Variants in RGS5 observed in about 807,000 individuals in gnomAD.
The protein encoded by RGS5 is regulator of G protein signaling 5, also known as regulator of G-protein signalling 5.
RGS5 carries 20 observed loss-of-function variants against 18.9 expected under a neutral mutation model. That is an observed-to-expected ratio of 1.06 (90% CI 0.74 to 1.54). The LOEUF is 1.54. RGS5 is among the 40% of genes most tolerant of loss of function. The probability of loss-of-function intolerance (pLI) is 0.00; values close to 1 mark genes in which losing one functional copy is unlikely to be tolerated. For missense variants in RGS5, 201 were observed against 211.8 expected (o/e 0.95, Z 0.32); for synonymous variants, 57 against 76.2 (o/e 0.75, Z 1.31).
intron 2 of RGS5, among the ~76,000 whole-genome samples, chr1:163,274,263 T>C (rs934205665): frequency 1.3e-5 from 2 of 151,504 alleles, no homozygotes; most frequent in East Asian, 1.9e-4. Flanking sequence ...AATTAGAGGG[T>C]TGGAACTTTC....
At chr1:163,278,900 T>C (rs1297796933) in intron 2 of RGS5, among the ~76,000 whole-genome samples, 2 of 152,060 alleles carry the variant, frequency 1.3e-5, no homozygotes, top group African/African-American at 2.4e-5. Context: ...GGAGTGGCCA[T>C]ACTTATACCA....
In RGS5 at chr1:163,158,412, C is replaced by T. The variant is rs139403892; in HGVS notation, c.217+3503G>A. 3.5e-3 allele frequency among the ~76,000 whole-genome samples: 531 copies of T among 152,146 alleles called. 1 individual carries two copies. The highest frequency in any genetic ancestry group is 5.0e-3 in the Non-Finnish European group (338 of 67,994). On this transcript the variant is annotated intron_variant, in intron 3 of 4. Coordinates refer to ENST00000313961, the MANE Select transcript of RGS5 (RefSeq NM_003617.4). ...AGAGTAGAGAATTAGAGAGGGGTATCGGGCAAAATTCACCCCCGATATTTC... is the reference window on the plus strand; with the variant it reads ...AGAGTAGAGAATTAGAGAGGGGTATTGGGCAAAATTCACCCCCGATATTTC...
chr1:163,162,103 A>G (rs1179845373), intron 2 of RGS5, 127 bp from the exon 3 acceptor site: 7 of 653,272 alleles, frequency 1.1e-5, no homozygotes, highest in Non-Finnish European at 1.6e-5. Context: ...TCCTCAGGAC[A>G]AGGAAGTTTA....
intron 3 of RGS5, among the ~76,000 whole-genome samples, chr1:163,156,913 T>C (rs1657604349): frequency 6.6e-6 from 1 of 152,148 alleles, no homozygotes; most frequent in Non-Finnish European, 1.5e-5. Flanking sequence ...GAGTAATAAG[T>C]GTTAGCTATT....
chr1:163,185,020 C>G (rs1406493608), intron 1 of RGS5, among the ~76,000 whole-genome samples: 1 of 152,160 alleles, frequency 6.6e-6, no homozygotes, highest in African/African-American at 2.4e-5. Flanking sequence ...GTTCTGTGAT[C>G]CTCATTCTAC....
At chr1:163,221,616 G>T (rs956033835), upstream of RGS5, among the ~76,000 whole-genome samples, 4 of 152,174 alleles carry the variant, frequency 2.6e-5, no homozygotes, top group Admixed American at 2.0e-4. Context: ...CAGACAAAAA[G>T]AATTTGCTTC....
intron 2 of RGS5, among the ~76,000 whole-genome samples, chr1:163,242,772 G>C (rs1177677545): frequency 6.6e-6 from 1 of 152,172 alleles, no homozygotes; most frequent in African/African-American, 2.4e-5. Context: ...TGTTGACAGA[G>C]GGCTGAGGAA....
chr1:163,186,090 G>C (rs1456229900), intron 1 of RGS5, among the ~76,000 whole-genome samples: 1 of 98,236 alleles, frequency 1.0e-5, no homozygotes, highest in Non-Finnish European at 2.1e-5. Flanking sequence ...TTTTTTTTTT[G>C]ACATAGAGTC....
chr1:163,229,575 G>A (rs759219182), intron 2 of RGS5, among the ~76,000 whole-genome samples: 6 of 152,146 alleles, frequency 3.9e-5, no homozygotes, highest in Non-Finnish European at 7.4e-5. Context: ...CTCTGACTCT[G>A]TCTTCTACTC....
intron 3 of RGS5, 33 bp from the exon 4 acceptor site, chr1:163,152,749 T>G (rs367953968): frequency 2.6e-6 from 4 of 1,538,126 alleles, no homozygotes; most frequent in Non-Finnish European, 3.5e-6. Context: ...CTGGAGAAAT[T>G]TATTAATTTA....
intron 1 of RGS5, among the ~76,000 whole-genome samples, chr1:163,312,992 C>T (rs1170059508): frequency 6.6e-6 from 1 of 152,142 alleles, no homozygotes; most frequent in Non-Finnish European, 1.5e-5. Context: ...GCATGGTTTA[C>T]CATTCTACTT....
intron 4 of RGS5, among the ~76,000 whole-genome samples, chr1:163,152,012 T>A (rs1172753719): frequency 6.6e-6 from 1 of 152,174 alleles, no homozygotes; most frequent in Non-Finnish European, 1.5e-5. Flanking sequence ...GTAATATTTT[T>A]AATAATTTTG....
chr1:163,157,883 G>T (rs1283923300), intron 3 of RGS5, among the ~76,000 whole-genome samples: 1 of 151,878 alleles, frequency 6.6e-6, no homozygotes, highest in Non-Finnish European at 1.5e-5. Context: ...TTTTTATGTT[G>T]CCCAGACTGG....
chr1:163,225,279 A>T (rs79848841), intron 2 of RGS5, among the ~76,000 whole-genome samples: 20,688 of 152,184 alleles, frequency 0.14, 1,773 homozygotes, highest in Middle Eastern at 0.27. Flanking sequence ...GTCAAGGAAG[A>T]GTCACAGTGA....
At chr1:163,260,268 G>T (rs756064268) in intron 2 of RGS5, 1 of 152,210 alleles carries the variant, frequency 6.6e-6, no homozygotes. Flanking sequence ...GAGATCTTTG[G>T]ATGGTTTGCA....
In RGS5 at chr1:163,239,060, G is replaced by A. The variant is rs144264358; in HGVS notation, c.-281+67173C>T. The A allele has an allele frequency of 5.8e-3, 1,185 of 205,890 alleles. 7 individuals carry two copies. The highest frequency in any genetic ancestry group is 0.01 in the Non-Finnish European group (928 of 89,188). 12.8% of individuals were successfully genotyped at this position (205,890 alleles called of 1,614,324 possible). On this transcript the variant is annotated intron_variant, in intron 2 of 5. Transcript: ENST00000618415. ...CGGTACCAAGGAGAGCACTGTCTCT[G>A]AAAGGAAATGCAGCAACGGTGAATC...
At chr1:163,228,336 A>G (rs1647387335) in intron 2 of RGS5, among the ~76,000 whole-genome samples, 1 of 152,236 alleles carries the variant, frequency 6.6e-6, no homozygotes, top group African/African-American at 2.4e-5. Context: ...ATGCATCCAC[A>G]GGCCCAACAC....
At chr1:163,212,042 C>G (rs192497568) in intron 1 of RGS5, 1 of 152,162 alleles carries the variant, frequency 6.6e-6, no homozygotes, top group Non-Finnish European at 1.5e-5. Flanking sequence ...CGACTTAATT[C>G]CTTTTCCACA....
At chr1:163,214,930 C>T (rs536450957) in intron 1 of RGS5, among the ~76,000 whole-genome samples, 1 of 152,104 alleles carries the variant, frequency 6.6e-6, no homozygotes, top group Non-Finnish European at 1.5e-5. Flanking sequence ...AAGTTGAAAT[C>T]TCCTTTGTTC....
Sources: gnomAD v4.1 joint callset for allele counts (sites outside exome capture counted in the v4.1 genomes callset) on GRCh38, gnomAD v4.1.1 for gene constraint, MANE v1.5 for transcripts, NCBI Gene and HGNC (gene_info 2026-07-23, HGNC 2026-07-21) for gene names.